RNF38: variants seen among roughly 807,000 people sequenced by gnomAD.
RNF38 encodes ring finger protein 38, also known as E3 ubiquitin-protein ligase RNF38.
A neutral mutation model predicts 67.2 loss-of-function variants in RNF38; 15 were observed. That is an observed-to-expected ratio of 0.22 (90% CI 0.15 to 0.34). The LOEUF (loss-of-function observed/expected upper bound fraction) is 0.34, where lower values mean the gene tolerates loss of function less well. Ranked by LOEUF, RNF38 falls within the 10% of genes least tolerant of loss-of-function variation. The pLI, the probability that RNF38 is intolerant of heterozygous loss-of-function variation, is 1.00. For synonymous variants in RNF38, 220 were observed against 218.8 expected (o/e 1.01, Z -0.05); for missense variants, 524 against 639.9 (o/e 0.82, Z 1.95).
intron 5 of RNF38, among the ~76,000 whole-genome samples, chr9:36,356,821 C>A (rs1834153918): frequency 6.6e-6 from 1 of 152,038 alleles, no homozygotes. Flanking sequence ...GCAAACACTA[C>A]CGGTATTTCA....
In RNF38 at chr9:36,369,763, G is replaced by A. The variant is rs779709339; in HGVS notation, c.526C>T (p.His176Tyr). 8 of 1,613,956 alleles carry A rather than the reference G, an allele frequency of 5.0e-6. No homozygotes were observed. Among genetic ancestry groups the A allele is most frequent in the Admixed American group, 1.7e-5 (1 of 59,994 alleles). The stretch of plus-strand genomic sequence containing the variant: ...ATGACTGCATTCTGCTGGGGTGGAT[G>A]AGCAGCAGGATGTAGCAGACGGGGA... ...VSPRLLHPAA[H>Y]PPQQNAVMVD... is the part of the protein sequence containing the mutation. The change falls in exon 4 of 12, where the codon CAT becomes TAT. Residue 176 changes from histidine (H) to tyrosine (Y), a missense_variant. Physicochemically the swap from His to Tyr is moderately conservative, Grantham distance 83. Coordinates refer to ENST00000259605, the MANE Select transcript of RNF38 (RefSeq NM_022781.5).
intron 4 of RNF38, among the ~76,000 whole-genome samples, chr9:36,369,156 T>C (rs1835184939): frequency 6.6e-6 from 1 of 152,226 alleles, no homozygotes; most frequent in Non-Finnish European, 1.5e-5. Flanking sequence ...AAACCATCAG[T>C]TGTCTGCTAT....
At chr9:36,465,948 A>G (rs1214850474) in intron 1 of RNF38, among the ~76,000 whole-genome samples, 1 of 152,126 alleles carries the variant, frequency 6.6e-6, no homozygotes, top group Non-Finnish European at 1.5e-5. Flanking sequence ...GCTACTCAGG[A>G]GGCTGAGGCA....
intron 4 of RNF38, among the ~76,000 whole-genome samples, chr9:36,362,854 G>C (rs1255611072): frequency 6.6e-6 from 1 of 150,504 alleles, no homozygotes; most frequent in East Asian, 2.0e-4. Context: ...GGATGGTCTC[G>C]ATCTCCTGAC....
At chr9:36,450,581 A>G (rs1040765144) in intron 1 of RNF38, among the ~76,000 whole-genome samples, 2 of 152,156 alleles carry the variant, frequency 1.3e-5, no homozygotes, top group African/African-American at 4.8e-5. Flanking sequence ...CTTGGTGAGT[A>G]TTTCCTAACT....
At chr9:36,406,932 C>T (rs1428239711) in intron 2 of RNF38, among the ~76,000 whole-genome samples, 6 of 152,120 alleles carry the variant, frequency 3.9e-5, no homozygotes, top group Non-Finnish European at 5.9e-5. Flanking sequence ...GAGGCCAAGG[C>T]GGGCAGATCA....
intron 1 of RNF38, among the ~76,000 whole-genome samples, chr9:36,479,040 T>C (rs542039920): frequency 2.1e-4 from 32 of 152,284 alleles, no homozygotes; most frequent in African/African-American, 7.5e-4. Flanking sequence ...GCTGCAAGTA[T>C]TATAATTTAA....
At chr9:36,451,956 C>G (rs901348806) in intron 1 of RNF38, among the ~76,000 whole-genome samples, 1 of 152,090 alleles carries the variant, frequency 6.6e-6, no homozygotes, top group African/African-American at 2.4e-5. Context: ...GTGGCTCACC[C>G]CTGTAATCCC....
intron 1 of RNF38, among the ~76,000 whole-genome samples, chr9:36,483,399 A>G (rs1384528185): frequency 6.6e-6 from 1 of 152,108 alleles, no homozygotes; most frequent in Non-Finnish European, 1.5e-5. Flanking sequence ...AAAAAAAGAA[A>G]AGCGTACCTG....
intron 1 of RNF38, among the ~76,000 whole-genome samples, chr9:36,462,892 C>T (rs888496874): frequency 3.3e-4 from 50 of 152,124 alleles, no homozygotes; most frequent in African/African-American, 1.2e-3. Context: ...CCAGGCTGGT[C>T]TCCAACTCCT....
chr9:36,361,442 CG>C (rs11291935), intron 4 of RNF38, among the ~76,000 whole-genome samples: 143,756 of 151,956 alleles, frequency 0.95, 68,474 homozygotes, highest in East Asian at 1. Flanking sequence ...GGATTATAGA[CG>C]TGAGCCACCA....
At chr9:36,402,494 T>TA (rs10560364), upstream of RNF38, among the ~76,000 whole-genome samples, 724 of 143,022 alleles carry the variant, frequency 5.1e-3, 4 homozygotes, top group African/African-American at 0.016. Context: ...AATCTAAGCT[T>TA]AAAAAAAAAA....
chr9:36,451,337 C>A (rs1373261282), intron 1 of RNF38, among the ~76,000 whole-genome samples: 2 of 151,396 alleles, frequency 1.3e-5, no homozygotes, highest in African/African-American at 4.9e-5. Context: ...TGGTGGCACG[C>A]ATCTATAATC....
chr9:36,462,720 G>A (rs1001170358), intron 1 of RNF38, among the ~76,000 whole-genome samples: 1 of 151,384 alleles, frequency 6.6e-6, no homozygotes, highest in Non-Finnish European at 1.5e-5. Context: ...TGTCGCCCAG[G>A]CTGGAGATCA....
intron 3 of RNF38, among the ~76,000 whole-genome samples, chr9:36,375,090 A>G (rs1835688404): frequency 6.6e-6 from 1 of 152,230 alleles, no homozygotes; most frequent in Non-Finnish European, 1.5e-5. Flanking sequence ...AAACTCAGGA[A>G]GAAATGCACT....
upstream of RNF38, chr9:36,400,651 G>A (rs1229577344): frequency 5.1e-6 from 5 of 985,748 alleles, no homozygotes; most frequent in Non-Finnish European, 6.0e-6. Flanking sequence ...CGGCCAGCTC[G>A]CCAGATCCGC....
At chr9:36,390,301 G>T (rs953765998) in intron 2 of RNF38, among the ~76,000 whole-genome samples, 166 bp downstream of exon 2, 1 of 152,184 alleles carries the variant, frequency 6.6e-6, no homozygotes, top group Non-Finnish European at 1.5e-5. Flanking sequence ...ACATTAGTCA[G>T]AAAAGCTGGC....
intron 3 of RNF38, among the ~76,000 whole-genome samples, chr9:36,374,087 C>T (rs1835597760): frequency 6.6e-6 from 1 of 152,190 alleles, no homozygotes; most frequent in South Asian, 2.1e-4. Context: ...CTTTCTCATG[C>T]TTATTATATT....
intron 3 of RNF38, 127 bp downstream of exon 3, chr9:36,375,807 T>C: frequency 1.3e-6 from 1 of 787,904 alleles, no homozygotes; most frequent in Non-Finnish European, 2.0e-6. Context: ...TTTTCGTGAG[T>C]GAATGTACGT....
Sources: gnomAD v4.1 joint callset for allele counts (sites outside exome capture counted in the v4.1 genomes callset) on GRCh38, gnomAD v4.1.1 for gene constraint, MANE v1.5 for transcripts, NCBI Gene and HGNC (gene_info 2026-07-23, HGNC 2026-07-21) for gene names.